The following SLA variants were observed in gnomAD, a reference collection of about 807,000 sequenced individuals.
The protein encoded by SLA is Src like adaptor, also known as src-like-adapter.
Under a neutral mutation model 30.3 loss-of-function variants are expected in SLA, and 16 were observed. That is an observed-to-expected ratio of 0.53 (90% CI 0.36 to 0.80). SLA has a LOEUF of 0.80. SLA is among the 30% of genes least tolerant of loss of function. SLA has a pLI of 0.01. For synonymous variants in SLA, 143 were observed against 137.8 expected, an observed-to-expected ratio of 1.04 and a Z score of -0.26; for missense variants, 310 against 345.2, an observed-to-expected ratio of 0.90 and a Z score of 0.81.
chr8:133,092,606 A>G (rs1211144463), intron 1 of SLA, among the ~76,000 whole-genome samples: 1 of 152,156 alleles, frequency 6.6e-6, no homozygotes, highest in Non-Finnish European at 1.5e-5. Context: ...CAGCAACCCT[A>G]TAACGTATGG....
chr8:133,061,358 G>T (rs1484552498), intron 2 of SLA, among the ~76,000 whole-genome samples: 3 of 152,180 alleles, frequency 2.0e-5, no homozygotes, highest in African/African-American at 7.2e-5. Flanking sequence ...ATTGAACAGT[G>T]TTGGGTTATG....
chr8:133,084,222 T>C (rs946856162), intron 1 of SLA, among the ~76,000 whole-genome samples: 1 of 151,908 alleles, frequency 6.6e-6, no homozygotes, highest in African/African-American at 2.4e-5. Flanking sequence ...GGAAGGAAAA[T>C]AGAAAAAGAC....
At chr8:133,084,990 C>T (rs943863158) in intron 1 of SLA, among the ~76,000 whole-genome samples, 1 of 152,214 alleles carries the variant, frequency 6.6e-6, no homozygotes, top group Non-Finnish European at 1.5e-5. Context: ...CTCTCTGAGC[C>T]TCACTCTTTA....
chr8:133,048,652 T>A (rs1839898765), intron 5 of SLA: 1 of 156,936 alleles, frequency 6.4e-6, no homozygotes. Flanking sequence ...GCCTCACATC[T>A]TCAGCATGAA....
chr8:133,069,439 G>A (rs1191538602), intron 2 of SLA, among the ~76,000 whole-genome samples: 2 of 152,102 alleles, frequency 1.3e-5, no homozygotes, highest in Non-Finnish European at 2.9e-5. Context: ...GGTCTAATGG[G>A]GCTTGGTCTC....
intron 1 of SLA, among the ~76,000 whole-genome samples, chr8:133,086,327 T>TA (rs1846554478): frequency 6.6e-6 from 1 of 152,178 alleles, no homozygotes; most frequent in Admixed American, 6.5e-5. Context: ...ACCATTGAAT[T>TA]AAGTGGGTGA....
At chr8:133,042,838 C>T (rs188582176) in intron 7 of SLA, among the ~76,000 whole-genome samples, 30 of 151,844 alleles carry the variant, frequency 2.0e-4, no homozygotes, top group Non-Finnish European at 3.5e-4. Flanking sequence ...GGATTACAGG[C>T]GCCCACCACC....
intron 1 of SLA, among the ~76,000 whole-genome samples, chr8:133,089,034 G>A (rs377285924): frequency 1.4e-3 from 211 of 152,304 alleles, no homozygotes; most frequent in Middle Eastern, 3.4e-3. Flanking sequence ...GCTGGCCCAC[G>A]ACACCTTGGT....
At position 133,038,320 on chromosome 8, in the gene SLA, C is replaced by T; in HGVS notation, c.*204G>A. On this transcript the variant is annotated 3_prime_UTR_variant, in exon 9 of 9. Transcript: ENST00000338087. The stretch of plus-strand genomic sequence containing the variant: ...CATGATCCAATGTTTCGTGATGCCA[C>T]AGCCCTGATCAGACACCAGGGAGGG... The T allele has an allele frequency of 1.7e-6, 1 of 596,060 alleles. No homozygotes were observed. The highest frequency in any genetic ancestry group is 3.0e-6 in the Non-Finnish European group (1 of 335,326). 36.9% of individuals were successfully genotyped at this position (596,060 alleles called of 1,614,324 possible). A position where few individuals can be genotyped will look rare whatever the true frequency, so the allele number is the denominator to read the frequency against.
chr8:133,049,285 A>AT (rs1425121707), intron 5 of SLA: 11 of 402,260 alleles, frequency 2.7e-5, no homozygotes, highest in Admixed American at 1.5e-4. Flanking sequence ...GCACATAAGC[A>AT]TTTTTGGCAG....
intron 3 of SLA, among the ~76,000 whole-genome samples, chr8:133,051,470 G>T (rs950702304): frequency 1.3e-5 from 2 of 152,286 alleles, no homozygotes; most frequent in South Asian, 4.1e-4. Flanking sequence ...GGACCATGAG[G>T]CAGTAACTCT....
At chr8:133,055,824 CCAGCAGCAGCAG>C (rs36210010) in intron 3 of SLA, among the ~76,000 whole-genome samples, 22 of 150,884 alleles carry the variant, frequency 1.5e-4, no homozygotes, top group Admixed American at 9.9e-4. Flanking sequence ...CTCCTCATCA[CCAGCAGCAGCAG>C]CAGCAGCAGC....
intron 1 of SLA, among the ~76,000 whole-genome samples, chr8:133,079,092 A>G (rs1845350933): frequency 6.6e-6 from 1 of 152,198 alleles, no homozygotes; most frequent in South Asian, 2.1e-4. Flanking sequence ...GAGTCAGCAC[A>G]AGAAGCAAAG....
chr8:133,097,998 C>T (rs182006339), intron 1 of SLA, among the ~76,000 whole-genome samples: 50 of 152,182 alleles, frequency 3.3e-4, no homozygotes, highest in African/African-American at 8.9e-4. Context: ...AACTTAGTCA[C>T]CCTCAGCTTG....
intron 2 of SLA, among the ~76,000 whole-genome samples, chr8:133,074,630 G>C (rs1844585756): frequency 6.6e-6 from 1 of 152,194 alleles, no homozygotes; most frequent in African/African-American, 2.4e-5. Flanking sequence ...TCCTGCCCCT[G>C]CTCCTCCAGC....
At chr8:133,077,072 G>T (rs9649970) in intron 1 of SLA, among the ~76,000 whole-genome samples, 1 of 151,902 alleles carries the variant, frequency 6.6e-6, no homozygotes, top group African/African-American at 2.4e-5. Context: ...GGCCAGTCGT[G>T]GGGTGGATGG....
chr8:133,081,359 T>C (rs1340944729), intron 1 of SLA, among the ~76,000 whole-genome samples: 1 of 152,226 alleles, frequency 6.6e-6, no homozygotes, highest in Non-Finnish European at 1.5e-5. Context: ...AATGGTGACT[T>C]TTCACCTCTG....
At chr8:133,067,910 G>A (rs1199872419) in intron 2 of SLA, among the ~76,000 whole-genome samples, 1 of 49,690 alleles carries the variant, frequency 2.0e-5, no homozygotes, top group African/African-American at 5.4e-5. Flanking sequence ...AAGGAAGGAA[G>A]GAAGGAAAGA....
chr8:133,060,323 G>C, intron 2 of SLA, 123 bp from the exon 3 acceptor site: 1 of 1,556,062 alleles, frequency 6.4e-7, no homozygotes, highest in South Asian at 1.2e-5. Context: ...AAAGGCGGCT[G>C]TTTATATGTG....
Sources: gnomAD v4.1 joint callset for allele counts (sites outside exome capture counted in the v4.1 genomes callset) on GRCh38, gnomAD v4.1.1 for gene constraint, MANE v1.5 for transcripts, NCBI Gene and HGNC (gene_info 2026-07-23, HGNC 2026-07-21) for gene names.